The following ZNF385B variants were observed in gnomAD, a reference collection of about 807,000 sequenced individuals.
ZNF385B encodes the protein zinc finger protein 533.
ZNF385B carries 23 observed loss-of-function variants against 39.2 expected under a neutral mutation model. That is an observed-to-expected ratio of 0.59 (90% CI 0.42 to 0.83). ZNF385B has a LOEUF of 0.83. Ranked by LOEUF, ZNF385B falls within the 40% of genes least tolerant of loss-of-function variation. ZNF385B has a pLI of 0.00. For synonymous variants in ZNF385B, 205 were observed against 222.6 expected (o/e 0.92, Z 0.70); for missense variants, 552 against 598.9 (o/e 0.92, Z 0.82).
At chr2:179,814,341 G>A (rs576502073) in intron 1 of ZNF385B, 4 of 282,412 alleles carry the variant, frequency 1.4e-5, no homozygotes, top group African/African-American at 4.6e-5. Flanking sequence ...CATTCGCTTC[G>A]GCCACGGCTG....
intron 3 of ZNF385B, among the ~76,000 whole-genome samples, chr2:179,603,052 C>T (rs560347698): frequency 6.6e-6 from 1 of 152,300 alleles, no homozygotes; most frequent in African/African-American, 2.4e-5. Context: ...ATTTAATTTT[C>T]TTCCTCATCG....
chr2:179,540,498 A>AC (rs1371131064), intron 4 of ZNF385B, among the ~76,000 whole-genome samples: 13 of 152,022 alleles, frequency 8.6e-5, no homozygotes, highest in African/African-American at 2.9e-4. Flanking sequence ...AACAACAACA[A>AC]AAAAAACCAC....
At chr2:179,569,187 C>T (rs980126151) in intron 3 of ZNF385B, among the ~76,000 whole-genome samples, 4 of 152,136 alleles carry the variant, frequency 2.6e-5, no homozygotes, top group South Asian at 4.1e-4. Context: ...TTCAAACACA[C>T]GTAGTTTGGC....
At chr2:179,532,526 T>G (rs187093730) in intron 4 of ZNF385B, among the ~76,000 whole-genome samples, 107 of 152,320 alleles carry the variant, frequency 7.0e-4, no homozygotes, top group Middle Eastern at 3.4e-3. Context: ...TCATTTGTAT[T>G]TACAATCTAT....
intron 3 of ZNF385B, among the ~76,000 whole-genome samples, chr2:179,666,642 A>T (rs1695193519): frequency 6.6e-6 from 1 of 151,952 alleles, no homozygotes; most frequent in African/African-American, 2.4e-5. Flanking sequence ...GAGGAAAATC[A>T]TCTTTTTTTT....
At chr2:179,661,198 G>T (rs1694424783) in intron 3 of ZNF385B, among the ~76,000 whole-genome samples, 1 of 152,166 alleles carries the variant, frequency 6.6e-6, no homozygotes, top group Non-Finnish European at 1.5e-5. Flanking sequence ...AAAGGAAAAT[G>T]GGGAAGGACT....
At position 179,631,886 on chromosome 2, in the gene ZNF385B, T is replaced by C. The variant is rs368390926; in HGVS notation, c.299-86917A>G. Among the ~76,000 whole-genome samples, 56 of 150,776 alleles carry C rather than the reference T, an allele frequency of 3.7e-4. 1 individual carries two copies. The East Asian group carries it at 7.4e-3, about 20-fold the overall frequency. On this transcript the variant is annotated intron_variant, in intron 3 of 9. Transcript: ENST00000410066. ...AACAAACAAAAAAAACAAACAGTGG[T>C]TGCAATCCTAGTATCTGATAAAACA...
chr2:179,648,289 A>G (rs1434568809), intron 3 of ZNF385B, among the ~76,000 whole-genome samples: 2 of 152,102 alleles, frequency 1.3e-5, no homozygotes, highest in African/African-American at 4.8e-5. Flanking sequence ...AGAGATGGTT[A>G]CATAGGGGTG....
rs113465322 is a variant in ZNF385B, at chr2:179,558,491, A to G, written c.299-13522T>C. On this transcript the variant is annotated intron_variant, in intron 3 of 9. Transcript: ENST00000410066. ...AAACAGAGTTAATATTTGCTCTGCT[A>G]GTGCTTTCTACTCCCACTTTGGCAG... Among the ~76,000 whole-genome samples the G allele has an allele frequency of 2.6e-3, 397 of 152,282 alleles. 2 individuals are homozygous for G. The highest frequency in any genetic ancestry group is 9.0e-3 in the African/African-American group (373 of 41,556).
intron 6 of ZNF385B, among the ~76,000 whole-genome samples, chr2:179,463,310 C>A (rs1223127038): frequency 1.3e-5 from 2 of 151,478 alleles, no homozygotes; most frequent in African/African-American, 4.9e-5. Context: ...TTCTTCACAT[C>A]TCTGAGGAAA....
chr2:179,684,716 G>A (rs7590028), intron 3 of ZNF385B, among the ~76,000 whole-genome samples: 73,199 of 151,926 alleles, frequency 0.48, 17,819 homozygotes, highest in Admixed American at 0.53. Flanking sequence ...CACTTCCAAC[G>A]TTCACTGGGA....
intron 1 of ZNF385B, among the ~76,000 whole-genome samples, chr2:179,846,443 T>TCC (rs1471034686): frequency 1.4e-4 from 21 of 152,348 alleles, no homozygotes; most frequent in African/African-American, 4.8e-4. Context: ...ACAAGGCCTC[T>TCC]GAATGAGACA....
chr2:179,691,775 C>A (rs1015948400), intron 3 of ZNF385B, among the ~76,000 whole-genome samples: 1 of 152,062 alleles, frequency 6.6e-6, no homozygotes, highest in Non-Finnish European at 1.5e-5. Context: ...CACATTTAAA[C>A]TAAAAATTAT....
At chr2:179,494,392 G>A (rs2055926941) in intron 5 of ZNF385B, among the ~76,000 whole-genome samples, 1 of 152,008 alleles carries the variant, frequency 6.6e-6, no homozygotes, top group African/African-American at 2.4e-5. Context: ...CTCGGGGTGA[G>A]GCAAAGTAGA....
intron 3 of ZNF385B, among the ~76,000 whole-genome samples, chr2:179,674,532 C>T (rs1476355611): frequency 1.3e-5 from 2 of 152,094 alleles, no homozygotes; most frequent in Non-Finnish European, 2.9e-5. Context: ...ATCAATCTTG[C>T]CAATATTCTA....
At chr2:179,757,236 C>G (rs901674533) in intron 3 of ZNF385B, among the ~76,000 whole-genome samples, 1 of 152,212 alleles carries the variant, frequency 6.6e-6, no homozygotes, top group Non-Finnish European at 1.5e-5. Flanking sequence ...CACTCCAGAC[C>G]CTGTTTGCCT....
intron 1 of ZNF385B, among the ~76,000 whole-genome samples, chr2:179,795,361 G>A (rs1386849976): frequency 6.6e-6 from 1 of 152,096 alleles, no homozygotes; most frequent in Non-Finnish European, 1.5e-5. Flanking sequence ...TTTTATGGGG[G>A]TGAGATCATC....
intron 3 of ZNF385B, among the ~76,000 whole-genome samples, chr2:179,622,069 C>T (rs1034433603): frequency 2.0e-5 from 3 of 152,082 alleles, no homozygotes; most frequent in African/African-American, 7.2e-5. Context: ...CTCAGCCTGG[C>T]CACCATTTGC....
intron 3 of ZNF385B, among the ~76,000 whole-genome samples, chr2:179,641,215 A>G (rs1416296832): frequency 6.6e-6 from 1 of 152,144 alleles, no homozygotes; most frequent in East Asian, 1.9e-4. Context: ...AAAACGTTTT[A>G]TAGTCTTCAA....
Sources: allele counts gnomAD v4.1 joint callset (sites outside exome capture counted in the v4.1 genomes callset), GRCh38; gene constraint gnomAD v4.1.1; transcripts MANE v1.5; gene names NCBI Gene and HGNC (gene_info 2026-07-23, HGNC 2026-07-21).